Variants in MICU3 observed in about 807,000 individuals in gnomAD.
The protein encoded by MICU3 is calcium uptake protein 3, mitochondrial.
A neutral mutation model predicts 66.5 loss-of-function variants in MICU3; 62 were observed. The ratio of observed to expected loss-of-function variants is 0.93; its 90% CI spans 0.76 to 1.15. The LOEUF is 1.15. Among genes scored for constraint, MICU3 ranks in the 50% most tolerant of loss-of-function variants. MICU3 has a pLI of 0.00. For missense variants in MICU3, 779 were observed against 664.4 expected (o/e 1.17, Z -1.90); for synonymous variants, 308 against 240.7 (o/e 1.28, Z -2.59).
intron 1 of MICU3, among the ~76,000 whole-genome samples, chr8:17,042,931 A>ATTGTTT: frequency 1.2e-5 from 1 of 82,154 alleles, no homozygotes; most frequent in African/African-American, 5.8e-5. Context: ...ATTCAAAGTG[A>ATTGTTT]TTTTTTTTTT....
At chr8:17,100,160 G>T (rs922763481) in intron 9 of MICU3, among the ~76,000 whole-genome samples, 1 of 151,038 alleles carries the variant, frequency 6.6e-6, no homozygotes, top group African/African-American at 2.4e-5. Flanking sequence ...GAAAGTGGCC[G>T]TGATAGGAGT....
chr8:17,028,689 G>C (rs1473388280), intron 1 of MICU3, among the ~76,000 whole-genome samples: 3 of 152,156 alleles, frequency 2.0e-5, no homozygotes, highest in Non-Finnish European at 4.4e-5. Context: ...TACGGAATCT[G>C]CTTTATGGAC....
At chr8:17,108,736 A>G (rs557556491) in intron 11 of MICU3, among the ~76,000 whole-genome samples, 1 of 152,224 alleles carries the variant, frequency 6.6e-6, no homozygotes, top group African/African-American at 2.4e-5. Flanking sequence ...CCTGCAATCT[A>G]TTCTGCATTT....
chr8:17,048,150 C>G (rs1815409219), intron 1 of MICU3, among the ~76,000 whole-genome samples: 1 of 151,934 alleles, frequency 6.6e-6, no homozygotes, highest in African/African-American at 2.4e-5. Flanking sequence ...ATGTTCGAAA[C>G]AAGATAAAAA....
At position 17,027,663 on chromosome 8, in the gene MICU3, G is replaced by A; in HGVS notation, c.381+3G>A. ...CAGTGGCGGCTGCCAAGGAGACGGTGAGTGCGCGAGCGCGCGTCACACCTG... is the reference window on the plus strand; with the variant it reads ...CAGTGGCGGCTGCCAAGGAGACGGTAAGTGCGCGAGCGCGCGTCACACCTG... On this transcript the variant is annotated splice_donor_region_variant and intron_variant, in intron 1 of 14. Transcript: ENST00000318063. The A allele has an allele frequency of 7.7e-7, 1 of 1,291,216 alleles. No homozygotes were observed. The highest frequency in any genetic ancestry group is 9.8e-7 in the Non-Finnish European group (1 of 1,022,592). The allele number at this position is 1,291,216 out of a possible 1,614,324, so 80.0% of individuals were successfully genotyped here. A position where few individuals can be genotyped will look rare whatever the true frequency, so the allele number is the denominator to read the frequency against.
At chr8:17,115,513 G>T (rs1288483281) in intron 12 of MICU3, among the ~76,000 whole-genome samples, 1 of 152,086 alleles carries the variant, frequency 6.6e-6, no homozygotes, top group Non-Finnish European at 1.5e-5. Flanking sequence ...AAAATTGATG[G>T]TGTCACCTGT....
chr8:17,123,474 A>G (rs1292215445), downstream of MICU3, among the ~76,000 whole-genome samples: 1 of 152,108 alleles, frequency 6.6e-6, no homozygotes, highest in African/African-American at 2.4e-5. Flanking sequence ...TTGGAAAAAT[A>G]AATGTAAAGA....
chr8:17,055,698 C>G (rs1210962951), intron 1 of MICU3, among the ~76,000 whole-genome samples: 2 of 152,194 alleles, frequency 1.3e-5, no homozygotes, highest in African/African-American at 4.8e-5. Context: ...CTGCCTGGGT[C>G]TCTGAATGAC....
At position 17,074,967 on chromosome 8, in the gene MICU3, C is replaced by T. The variant is rs181572976; in HGVS notation, c.568-2816C>T. Among the ~76,000 whole-genome samples the T allele has an allele frequency of 2.6e-5, 4 of 152,216 alleles. No individual in the cohort carries two copies. The East Asian group carries it at 7.8e-4, about 30-fold the overall frequency. On this transcript the variant is annotated intron_variant, in intron 3 of 14. Transcript: ENST00000318063. ...GCAAGTTTCGGGGCTCCAGGCCACC[C>T]ACACTCTGACCTTACTGTCTACAAG...
intron 1 of MICU3, among the ~76,000 whole-genome samples, chr8:17,060,136 A>C (rs145696776): frequency 6.6e-6 from 1 of 152,312 alleles, no homozygotes; most frequent in East Asian, 1.9e-4. Context: ...TTTGTAGAAG[A>C]GAACAGAGAA....
chr8:17,031,674 G>T (rs1457186880), intron 1 of MICU3, among the ~76,000 whole-genome samples: 2 of 152,108 alleles, frequency 1.3e-5, no homozygotes, highest in Non-Finnish European at 2.9e-5. Flanking sequence ...TTTATAAAGT[G>T]TCTTTTAAGT....
rs755898922 is a variant in MICU3 at position 17,105,554 on chromosome 8, A to G, written c.1227A>G (p.Glu409=). 1.3e-6 allele frequency: 2 copies of G among 1,566,880 alleles called. No individual in the cohort carries two copies. The highest frequency in any genetic ancestry group is 1.7e-6 in the Non-Finnish European group (2 of 1,156,850). The change falls in exon 11 of 15, where the codon GAA becomes GAG. Residue 409 remains glutamate, a synonymous_variant. Transcript: ENST00000318063. ...TGGAAAATACATCAGTATTTTTAGA[A>G]AATGTGCGTTACAGTATACCTGAAG... ...TNVENTSVFL[E]NVRYSIPEEK... is the part of the protein sequence containing the mutation.
downstream of MICU3, among the ~76,000 whole-genome samples, chr8:17,124,163 C>G (rs1415632073): frequency 6.6e-6 from 1 of 152,062 alleles, no homozygotes; most frequent in Non-Finnish European, 1.5e-5. Flanking sequence ...AAGTCCCCCT[C>G]CAAGACACAC....
chr8:17,117,180 G>C (rs1038112916), intron 13 of MICU3, among the ~76,000 whole-genome samples: 3 of 151,788 alleles, frequency 2.0e-5, no homozygotes, highest in African/African-American at 7.3e-5. Flanking sequence ...AGGTCACTCT[G>C]TTGCCCAGGC....
chr8:17,054,923 G>A (rs1170306962), intron 1 of MICU3, among the ~76,000 whole-genome samples: 1 of 151,812 alleles, frequency 6.6e-6, no homozygotes, highest in Non-Finnish European at 1.5e-5. Flanking sequence ...ATTTTTAGTA[G>A]AGATGGGGTT....
At chr8:17,081,544 T>G in intron 4 of MICU3, 149 bp from the exon 5 acceptor site, 1 of 331,544 alleles carries the variant, frequency 3.0e-6, no homozygotes, top group Non-Finnish European at 5.6e-6. Context: ...AAATTAAATT[T>G]GTTGCTTCTT....
chr8:17,033,257 T>C (rs1439032003), intron 1 of MICU3, among the ~76,000 whole-genome samples: 1 of 152,214 alleles, frequency 6.6e-6, no homozygotes, highest in African/African-American at 2.4e-5. Flanking sequence ...TTAGCGAAGT[T>C]GTGAATGCAG....
At chr8:17,133,296 C>T in the MICU3 span, among the ~76,000 whole-genome samples, 1 of 152,102 alleles carries the variant, frequency 6.6e-6, no homozygotes, top group Admixed American at 6.6e-5. Context: ...TTAACAGAAG[C>T]TAGAAATAAA....
intron 4 of MICU3, among the ~76,000 whole-genome samples, 174 bp downstream of exon 4, chr8:17,078,035 C>T (rs960166366): frequency 1.3e-5 from 2 of 151,864 alleles, no homozygotes; most frequent in East Asian, 1.9e-4. Context: ...TAATGTTGCT[C>T]TTGGGTAATT....
Sources: gnomAD v4.1 joint callset for allele counts (sites outside exome capture counted in the v4.1 genomes callset) on GRCh38, gnomAD v4.1.1 for gene constraint, MANE v1.5 for transcripts, NCBI Gene and HGNC (gene_info 2026-07-23, HGNC 2026-07-21) for gene names.